AP3B1: variants seen among roughly 807,000 people sequenced by gnomAD.
AP3B1 encodes adaptor related protein complex 3 subunit beta 1.
A neutral mutation model predicts 132.5 loss-of-function variants in AP3B1; 61 were observed. The ratio of observed to expected loss-of-function variants is 0.46; its 90% CI spans 0.37 to 0.57. The LOEUF (loss-of-function observed/expected upper bound fraction) is 0.57. Ranked by LOEUF, AP3B1 falls within the 20% of genes least tolerant of loss-of-function variation. The probability of loss-of-function intolerance (pLI) is 0.00; values close to 1 mark genes in which losing one functional copy is unlikely to be tolerated. For synonymous variants in AP3B1, 388 were observed against 438.3 expected (o/e 0.89, Z 1.43); for missense variants, 1,120 against 1,289.4 (o/e 0.87, Z 2.01).
intron 1 of AP3B1, among the ~76,000 whole-genome samples, chr5:78,282,887 T>C (rs893296793): frequency 1.3e-5 from 2 of 148,690 alleles, no homozygotes; most frequent in Non-Finnish European, 3.0e-5. Flanking sequence ...TGGTGATACA[T>C]GTCTGCAGTC....
intron 7 of AP3B1, among the ~76,000 whole-genome samples, chr5:78,181,879 G>A (rs1175342600): frequency 6.6e-6 from 1 of 152,108 alleles, no homozygotes; most frequent in East Asian, 1.9e-4. Context: ...TAGATGATGT[G>A]CTTCTATTGT....
Position 78,281,986 on chromosome 5 carries a change from GA to G in AP3B1, c.128+12465del, listed in dbSNP as rs750968274. On this transcript the variant is annotated intron_variant, in intron 1 of 26. Transcript: ENST00000255194. ...AAATAAAAGAGAAACTACTCTAAAA[GA>G]AAAAAAAGCTCGTTAGACTCCATGT... 8.6e-5 allele frequency among the ~76,000 whole-genome samples: 13 copies of G among 151,916 alleles called. No individual in the cohort carries two copies. In the East Asian group the frequency reaches 2.5e-3, roughly 29 times the overall value.
chr5:78,068,900 T>C (rs936604818), intron 22 of AP3B1, among the ~76,000 whole-genome samples: 1 of 152,186 alleles, frequency 6.6e-6, no homozygotes, highest in Non-Finnish European at 1.5e-5. Flanking sequence ...TCAGAAAGCT[T>C]ACCCACCATG....
At chr5:78,052,480 T>A (rs1207204129) in intron 22 of AP3B1, among the ~76,000 whole-genome samples, 1 of 152,192 alleles carries the variant, frequency 6.6e-6, no homozygotes, top group South Asian at 2.1e-4. Flanking sequence ...AACATTAAAA[T>A]GATATGAAAT....
chr5:78,115,986 T>C (rs1236496537), intron 18 of AP3B1, 140 bp downstream of exon 18: 5 of 710,262 alleles, frequency 7.0e-6, no homozygotes, highest in Non-Finnish European at 1.3e-5. Context: ...AAGAGTGATA[T>C]ATAAATGAAA....
At chr5:78,071,890 T>C (rs1222435664) in intron 22 of AP3B1, among the ~76,000 whole-genome samples, 1 of 152,224 alleles carries the variant, frequency 6.6e-6, no homozygotes. Flanking sequence ...ATTTTAGAGC[T>C]GGAAGGGACT....
At chr5:78,035,008 T>C (rs1006909338) in intron 23 of AP3B1, among the ~76,000 whole-genome samples, 1 of 151,916 alleles carries the variant, frequency 6.6e-6, no homozygotes. Context: ...TCTAATTGCA[T>C]TAAATACTCA....
chr5:78,158,148 G>C (rs2112360835), intron 13 of AP3B1, among the ~76,000 whole-genome samples: 1 of 152,228 alleles, frequency 6.6e-6, no homozygotes, highest in East Asian at 1.9e-4. Flanking sequence ...ATTTCAAACT[G>C]TTTACCTGCT....
intron 1 of AP3B1, among the ~76,000 whole-genome samples, chr5:78,288,917 C>A (rs1749393536): frequency 6.8e-6 from 1 of 147,172 alleles, no homozygotes; most frequent in African/African-American, 2.5e-5. Context: ...AAGCTCTAAA[C>A]AACTAGACCA....
chr5:78,258,957 G>A (rs567991941), intron 2 of AP3B1, among the ~76,000 whole-genome samples: 5 of 152,156 alleles, frequency 3.3e-5, no homozygotes, highest in African/African-American at 1.2e-4. Flanking sequence ...CAAACATCTG[G>A]CCGGGCACGG....
intron 7 of AP3B1, among the ~76,000 whole-genome samples, chr5:78,215,126 A>T (rs563704875): frequency 6.6e-6 from 1 of 152,252 alleles, no homozygotes; most frequent in South Asian, 2.1e-4. Context: ...CTAATTAACA[A>T]AAGCAAGATG....
chr5:78,291,730 C>A (rs1749532913), intron 1 of AP3B1, among the ~76,000 whole-genome samples: 1 of 151,926 alleles, frequency 6.6e-6, no homozygotes, highest in South Asian at 2.1e-4. Context: ...ATTAAAGAGA[C>A]ATGGCAACTA....
intron 22 of AP3B1, among the ~76,000 whole-genome samples, chr5:78,085,701 C>T (rs929051830): frequency 1.3e-5 from 2 of 152,022 alleles, no homozygotes; most frequent in African/African-American, 4.8e-5. Flanking sequence ...CAGAAAAGAA[C>T]CAAAACAATC....
At chr5:78,260,643 A>T (rs185148099) in intron 2 of AP3B1, among the ~76,000 whole-genome samples, 39 of 149,142 alleles carry the variant, frequency 2.6e-4, no homozygotes, top group African/African-American at 9.3e-4. Flanking sequence ...ATGTAAGTTT[A>T]AAAAAAAAAG....
intron 7 of AP3B1, among the ~76,000 whole-genome samples, chr5:78,193,764 A>ATTTTTTT (rs1419109983): frequency 5.7e-5 from 6 of 104,996 alleles, no homozygotes; most frequent in African/African-American, 2.1e-4. Flanking sequence ...ATATATATAT[A>ATTTTTTT]TATATATTTT....
intron 2 of AP3B1, among the ~76,000 whole-genome samples, chr5:78,245,678 A>G (rs1408720583): frequency 6.6e-6 from 1 of 151,978 alleles, no homozygotes; most frequent in African/African-American, 2.4e-5. Flanking sequence ...CTCAAATAAC[A>G]TACTTCTCCC....
At chr5:78,013,716 T>G (rs1399278530) in intron 26 of AP3B1, among the ~76,000 whole-genome samples, 1 of 152,184 alleles carries the variant, frequency 6.6e-6, no homozygotes, top group Admixed American at 6.5e-5. Flanking sequence ...AATATTTATT[T>G]TCACTGAAAA....
At chr5:78,226,168 T>C (rs145797724) in intron 5 of AP3B1, among the ~76,000 whole-genome samples, 17 of 152,144 alleles carry the variant, frequency 1.1e-4, no homozygotes, top group African/African-American at 3.6e-4. Context: ...GAGGCAAGCA[T>C]TGAGGCTGGA....
intron 2 of AP3B1, among the ~76,000 whole-genome samples, chr5:78,266,832 G>A (rs928875596): frequency 2.0e-5 from 3 of 152,050 alleles, no homozygotes; most frequent in Admixed American, 2.0e-4. Flanking sequence ...AAATGAGTAC[G>A]TACAGAGAGT....
Sources: allele counts gnomAD v4.1 joint callset (sites outside exome capture counted in the v4.1 genomes callset), GRCh38; gene constraint gnomAD v4.1.1; transcripts MANE v1.5; gene names NCBI Gene and HGNC (gene_info 2026-07-23, HGNC 2026-07-21).